Variants in SYNPR observed in about 807,000 individuals in gnomAD.
SYNPR encodes the protein synaptoporin.
SYNPR carries 23 observed loss-of-function variants against 32.9 expected under a neutral mutation model. The ratio of observed to expected loss-of-function variants is 0.70; its 90% CI spans 0.50 to 0.99. SYNPR has a LOEUF of 0.99. SYNPR is among the 50% of genes least tolerant of loss of function. SYNPR has a pLI of 0.00. For missense variants in SYNPR, 318 were observed against 349.3 expected (o/e 0.91, Z 0.71); for synonymous variants, 146 against 135.9 (o/e 1.07, Z -0.52).
At position 63,442,958 on chromosome 3, in the gene SYNPR, A is replaced by G. The variant is rs2107162505; in HGVS notation, c.85-37874A>G. On this transcript the variant is annotated intron_variant, in intron 2 of 5. Transcript: ENST00000478300. The stretch of plus-strand genomic sequence containing the variant: ...ATTTTTCCCCATACCCTTAAAACAC[A>G]AAATTCTGGCTTTAAAAAAATCTCC... The G allele has an allele frequency of 6.4e-6, 6 of 936,722 alleles. No individual in the cohort carries two copies. The South Asian group carries it at 1.5e-4, about 23-fold the overall frequency. 58.0% of individuals were successfully genotyped at this position (936,722 alleles called of 1,614,324 possible). A position where few individuals can be genotyped will look rare whatever the true frequency, so the allele number is the denominator to read the frequency against.
intron 4 of SYNPR, among the ~76,000 whole-genome samples, chr3:63,574,784 C>T (rs980555204): frequency 2.4e-4 from 36 of 152,152 alleles, no homozygotes; most frequent in African/African-American, 7.7e-4. Flanking sequence ...AAGGTGGTGT[C>T]CTATCCCTCA....
At chr3:63,453,559 G>T (rs1700422325) in intron 2 of SYNPR, among the ~76,000 whole-genome samples, 1 of 152,118 alleles carries the variant, frequency 6.6e-6, no homozygotes, top group African/African-American at 2.4e-5. Flanking sequence ...GTTTATCTGG[G>T]ATAAGGATGC....
intron 5 of SYNPR, chr3:63,610,405 G>A (rs1700182612): frequency 3.2e-6 from 2 of 633,606 alleles, no homozygotes; most frequent in Admixed American, 2.2e-5. Context: ...AGTGTTTGCT[G>A]AAAGAACATT....
chr3:63,588,813 T>G (rs1179264447), intron 4 of SYNPR, among the ~76,000 whole-genome samples: 1 of 152,088 alleles, frequency 6.6e-6, no homozygotes, highest in Non-Finnish European at 1.5e-5. Flanking sequence ...CATTTAATTG[T>G]GTGAACTGAT....
At chr3:63,613,639 A>AAAAAAAATT (rs71099711) in intron 5 of SYNPR, among the ~76,000 whole-genome samples, 1 of 130,784 alleles carries the variant, frequency 7.6e-6, no homozygotes, top group Non-Finnish European at 1.7e-5. Flanking sequence ...AAAAAAAAAA[A>AAAAAAAATT]GTCTGCAAAG....
chr3:63,238,182 C>G (rs1042322716), intron 1 of SYNPR, among the ~76,000 whole-genome samples: 8 of 152,120 alleles, frequency 5.3e-5, no homozygotes, highest in African/African-American at 1.9e-4. Flanking sequence ...CTCCTGCTTA[C>G]TATCTCTCAG....
chr3:63,440,810 CAT>C (rs1278932749), intron 2 of SYNPR, among the ~76,000 whole-genome samples: 1 of 152,178 alleles, frequency 6.6e-6, no homozygotes, highest in African/African-American at 2.4e-5. Context: ...GACTGAGCCT[CAT>C]ACCTCCTATC....
chr3:63,434,370 T>C (rs138087304), intron 2 of SYNPR, among the ~76,000 whole-genome samples: 1 of 152,362 alleles, frequency 6.6e-6, no homozygotes, highest in African/African-American at 2.4e-5. Flanking sequence ...GTATTATTTA[T>C]ATACCTCAGC....
chr3:63,459,357 T>A (rs1046662784), intron 2 of SYNPR, among the ~76,000 whole-genome samples: 9 of 152,064 alleles, frequency 5.9e-5, no homozygotes, highest in Non-Finnish European at 1.3e-4. Context: ...CCTCCATAAC[T>A]CAGACCACAT....
intron 3 of SYNPR, among the ~76,000 whole-genome samples, chr3:63,512,922 T>C (rs1005333475): frequency 9.2e-5 from 14 of 152,142 alleles, no homozygotes; most frequent in African/African-American, 2.9e-4. Context: ...TTAAAAGTCC[T>C]TGGAAAGCTT....
intron 5 of SYNPR, among the ~76,000 whole-genome samples, chr3:63,611,171 A>T (rs6796371): frequency 0.44 from 67,595 of 152,070 alleles, 15,199 homozygotes; most frequent in Middle Eastern, 0.54. Context: ...AAGGATATTA[A>T]GTCGCTCATA....
At chr3:63,390,527 T>C (rs2088118922) in intron 2 of SYNPR, among the ~76,000 whole-genome samples, 1 of 152,212 alleles carries the variant, frequency 6.6e-6, no homozygotes, top group South Asian at 2.1e-4. Context: ...GGGGATGCAA[T>C]GCCAATAGTA....
chr3:63,342,471 T>C (rs928448217), intron 2 of SYNPR, among the ~76,000 whole-genome samples: 32 of 152,240 alleles, frequency 2.1e-4, no homozygotes, highest in Admixed American at 1.5e-3. Flanking sequence ...TAAATCCTAC[T>C]TGGTCATGTT....
chr3:63,523,293 A>G (rs1431461947), intron 3 of SYNPR, among the ~76,000 whole-genome samples: 2 of 151,978 alleles, frequency 1.3e-5, no homozygotes, highest in African/African-American at 4.8e-5. Context: ...ACCTTGCACT[A>G]TGGTGTGGGA....
chr3:63,349,389 C>T (rs1367948899), intron 2 of SYNPR, among the ~76,000 whole-genome samples: 2 of 152,326 alleles, frequency 1.3e-5, no homozygotes, highest in South Asian at 2.1e-4. Context: ...CGCGAGCCAC[C>T]GCGCCTGGCC....
At chr3:63,254,700 G>T (rs1433257250) in intron 2 of SYNPR, among the ~76,000 whole-genome samples, 2 of 152,162 alleles carry the variant, frequency 1.3e-5, no homozygotes. Flanking sequence ...TTGGTACTAT[G>T]GGCCGAATTG....
chr3:63,210,249 C>T, the SYNPR span, among the ~76,000 whole-genome samples: 118,800 of 152,112 alleles, frequency 0.78, 46,883 homozygotes, highest in Middle Eastern at 0.87. Context: ...AGATGCAGGG[C>T]CTACTGTATG....
At chr3:63,564,845 C>T (rs1367473168) in intron 4 of SYNPR, among the ~76,000 whole-genome samples, 2 of 152,174 alleles carry the variant, frequency 1.3e-5, no homozygotes, top group African/African-American at 4.8e-5. Flanking sequence ...AAAAGATGAG[C>T]TGTAGTTCTG....
At chr3:63,378,779 GTTAT>G (rs1208449680) in intron 2 of SYNPR, among the ~76,000 whole-genome samples, 2 of 150,790 alleles carry the variant, frequency 1.3e-5, no homozygotes, top group African/African-American at 4.9e-5. Flanking sequence ...TTTTTCTACT[GTTAT>G]TTATTTATAT....
Sources: gnomAD v4.1 joint callset for allele counts (sites outside exome capture counted in the v4.1 genomes callset) on GRCh38, gnomAD v4.1.1 for gene constraint, MANE v1.5 for transcripts, NCBI Gene and HGNC (gene_info 2026-07-23, HGNC 2026-07-21) for gene names.